The following DPP10 variants were observed in gnomAD, a reference collection of about 807,000 sequenced individuals.
The protein encoded by DPP10 is dipeptidyl peptidase like 10, also known as inactive dipeptidyl peptidase 10.
In DPP10, 33 loss-of-function variants were observed where a neutral mutation model predicts 120.9. That is an observed-to-expected ratio of 0.27 (90% confidence interval 0.21 to 0.37). The LOEUF is 0.37. DPP10 is among the 10% of genes least tolerant of loss of function. The pLI is 1.00. For missense variants in DPP10, 816 were observed against 942.8 expected (o/e 0.87, Z 1.76); for synonymous variants, 337 against 326.1 (o/e 1.03, Z -0.36).
At chr2:114,501,933 C>CTT (rs34369425) in intron 1 of DPP10, among the ~76,000 whole-genome samples, 58 of 94,000 alleles carry the variant, frequency 6.2e-4, no homozygotes, top group African/African-American at 9.5e-4. Flanking sequence ...ATTGATATTC[C>CTT]TTTTTTTTTT....
At position 114,870,842 on chromosome 2, in the gene DPP10, G is replaced by A. The variant is rs1160003455; in HGVS notation, c.60+428004G>A. On this transcript the variant is annotated intron_variant, in intron 1 of 25. Transcript: ENST00000410059. ...CCTCTTAACAGAGAACGTCCATCGG[G>A]ATCTTTTCATGAACAGATAGCTTAG... is the stretch of plus-strand genomic sequence containing the variant. Among the ~76,000 whole-genome samples, 7 of 135,626 alleles carry A rather than the reference G, an allele frequency of 5.2e-5. 2 individuals are homozygous for A. Among genetic ancestry groups the A allele is most frequent in the Non-Finnish European group, 8.1e-5 (5 of 61,888 alleles). 89.0% of individuals were successfully genotyped at this position (135,626 alleles called of 152,430 possible).
chr2:114,502,309 T>C (rs771945798), intron 1 of DPP10, among the ~76,000 whole-genome samples: 45 of 152,146 alleles, frequency 3.0e-4, no homozygotes, highest in Non-Finnish European at 4.9e-4. Context: ...AGAAAGTTTT[T>C]ATTCTGTACT....
intron 4 of DPP10, among the ~76,000 whole-genome samples, chr2:115,519,446 T>C (rs945729231): frequency 6.6e-6 from 1 of 152,208 alleles, no homozygotes; most frequent in African/African-American, 2.4e-5. Context: ...GCATCTATTA[T>C]GTTTACAAAA....
intron 1 of DPP10, among the ~76,000 whole-genome samples, chr2:114,753,925 A>G (rs1177724894): frequency 6.6e-6 from 1 of 151,336 alleles, no homozygotes; most frequent in Non-Finnish European, 1.5e-5. Flanking sequence ...AAAAAAAAAA[A>G]AAAAAAAGAA....
In DPP10 at chr2:114,730,134, G is replaced by GAA. The variant is rs111755933; in HGVS notation, c.60+287305_60+287306dup. On this transcript the variant is annotated intron_variant, in intron 1 of 25. Transcript: ENST00000410059. ...ATTATTTGTTCTTACTGTCCAAACA[G>GAA]AAAAAAAAAATGCTGGAGGTGAGAA... Among the ~76,000 whole-genome samples the GAA allele has an allele frequency of 1.5e-3, 226 of 148,564 alleles. 2 individuals are homozygous for GAA. Among genetic ancestry groups the GAA allele is most frequent in the African/African-American group, 5.1e-3 (208 of 40,704 alleles).
At chr2:114,859,089 G>T (rs1474468814) in intron 1 of DPP10, among the ~76,000 whole-genome samples, 1 of 151,960 alleles carries the variant, frequency 6.6e-6, no homozygotes, top group Non-Finnish European at 1.5e-5. Flanking sequence ...CACTTTGGGA[G>T]ACTAAGGTGG....
intron 1 of DPP10, among the ~76,000 whole-genome samples, chr2:114,993,580 G>GTATATATATATACATATATA (rs1553467002): frequency 1.0e-5 from 1 of 97,326 alleles, no homozygotes; most frequent in East Asian, 3.9e-4. Context: ...GTGTGTGTGT[G>GTATATATATATACATATATA]TATATATATA....
intron 1 of DPP10, among the ~76,000 whole-genome samples, chr2:114,537,018 T>C (rs1287941391): frequency 6.6e-6 from 1 of 152,208 alleles, no homozygotes; most frequent in African/African-American, 2.4e-5. Context: ...ACTCCAAAGA[T>C]TAAAGCTTCC....
chr2:115,109,534 C>CAA (rs58100881), intron 1 of DPP10, among the ~76,000 whole-genome samples: 29,860 of 139,084 alleles, frequency 0.21, 3,608 homozygotes, highest in East Asian at 0.36. Flanking sequence ...GACTCCGTCT[C>CAA]AAAAAAAAAA....
In DPP10 at chr2:115,078,415, A is replaced by G. The variant is rs536683383; in HGVS notation, c.61-230824A>G. On this transcript the variant is annotated intron_variant, in intron 1 of 25. Coordinates refer to ENST00000410059, the MANE Select transcript of DPP10 (RefSeq NM_020868.6). ...AAGACTAATTTTGTAAAACTGTTTT[A>G]AAGTCAATTATTTTTAAAAAGAATT... is the stretch of plus-strand genomic sequence containing the variant. 2.6e-5 allele frequency among the ~76,000 whole-genome samples: 4 copies of G among 152,348 alleles called. No individual in the cohort carries two copies. In the Middle Eastern group the frequency reaches 0.014, roughly 518 times the overall value.
At position 115,324,591 on chromosome 2, in the gene DPP10, G is replaced by A. The variant is rs2062244907; in HGVS notation, c.175+15238G>A. On this transcript the variant is annotated intron_variant, in intron 2 of 25. Coordinates refer to ENST00000410059, the MANE Select transcript of DPP10 (RefSeq NM_020868.6). The stretch of plus-strand genomic sequence containing the variant: ...ACTCTAGATTAGGCTTTGGCTTAAG[G>A]GAAAGGTGTGGCTAGTTTGATCTTC... Among the ~76,000 whole-genome samples the A allele has an allele frequency of 2.0e-5, 3 of 152,256 alleles. No homozygotes were observed. The South Asian group carries it at 6.2e-4, about 32-fold the overall frequency.
At chr2:115,029,387 G>C (rs994231480) in intron 1 of DPP10, among the ~76,000 whole-genome samples, 1 of 150,554 alleles carries the variant, frequency 6.6e-6, no homozygotes, top group Non-Finnish European at 1.5e-5. Context: ...AGTATTCTAG[G>C]TTTGTCTGTG....
chr2:115,062,068 A>G (rs986137436), intron 1 of DPP10, among the ~76,000 whole-genome samples: 2 of 151,512 alleles, frequency 1.3e-5, no homozygotes, highest in Non-Finnish European at 2.9e-5. Flanking sequence ...ATATATTAAA[A>G]TTTAAAATAT....
At chr2:115,595,959 C>G (rs546338173) in intron 5 of DPP10, among the ~76,000 whole-genome samples, 1 of 152,022 alleles carries the variant, frequency 6.6e-6, no homozygotes, top group African/African-American at 2.4e-5. Context: ...TTGACTGTAA[C>G]TCTTGTTTTT....
chr2:115,454,936 A>G (rs1027525104), intron 3 of DPP10, among the ~76,000 whole-genome samples: 2 of 151,608 alleles, frequency 1.3e-5, no homozygotes, highest in African/African-American at 4.8e-5. Flanking sequence ...CAATCTAAAA[A>G]TGAAATTATA....
intron 1 of DPP10, among the ~76,000 whole-genome samples, chr2:115,264,986 A>G (rs912634490): frequency 2.6e-5 from 4 of 152,160 alleles, no homozygotes; most frequent in Admixed American, 1.3e-4. Flanking sequence ...TTAGAGAAAT[A>G]TAAGCCCCTC....
intron 1 of DPP10, among the ~76,000 whole-genome samples, chr2:114,794,844 C>T (rs916649699): frequency 6.6e-6 from 1 of 151,960 alleles, no homozygotes; most frequent in African/African-American, 2.4e-5. Flanking sequence ...TTTTCATTCG[C>T]GTTATTAAAC....
chr2:115,667,810 T>A (rs2089575109), intron 5 of DPP10, among the ~76,000 whole-genome samples: 1 of 151,868 alleles, frequency 6.6e-6, no homozygotes, highest in Non-Finnish European at 1.5e-5. Flanking sequence ...TTCTAGCACT[T>A]TTATTTCCTT....
intron 1 of DPP10, among the ~76,000 whole-genome samples, chr2:114,872,598 G>A (rs1435061503): frequency 1.3e-5 from 2 of 152,156 alleles, no homozygotes; most frequent in Admixed American, 6.5e-5. Context: ...TCTCATGGCA[G>A]GCTTTATGTC....
Sources: gnomAD v4.1 joint callset for allele counts (sites outside exome capture counted in the v4.1 genomes callset) on GRCh38, gnomAD v4.1.1 for gene constraint, MANE v1.5 for transcripts, NCBI Gene and HGNC (gene_info 2026-07-23, HGNC 2026-07-21) for gene names.